The following HTR1F variants were observed in gnomAD, a reference collection of about 807,000 sequenced individuals.
HTR1F encodes 5-hydroxytryptamine (serotonin) receptor 1F, G protein-coupled.
Under a neutral mutation model 24.0 loss-of-function variants are expected in HTR1F, and 17 were observed. The observed-to-expected ratio is 0.71, with a 90% CI of 0.48 to 1.06. The LOEUF is 1.06. HTR1F is among the 50% of genes least tolerant of loss of function. HTR1F has a pLI of 0.00. For synonymous variants in HTR1F, 186 were observed against 156.8 expected (o/e 1.19, Z -1.39); for missense variants, 391 against 427.8 (o/e 0.91, Z 0.76).
intron 2 of HTR1F, among the ~76,000 whole-genome samples, chr3:87,962,021 T>A (rs1195202565): frequency 6.6e-6 from 1 of 152,120 alleles, no homozygotes; most frequent in African/African-American, 2.4e-5. Context: ...TATTCTTTCA[T>A]TTGCTAAACC....
At chr3:87,951,809 A>T (rs1191400593) in intron 2 of HTR1F, among the ~76,000 whole-genome samples, 1 of 152,062 alleles carries the variant, frequency 6.6e-6, no homozygotes, top group African/African-American at 2.4e-5. Flanking sequence ...CTGGCCTAAA[A>T]ATCCTCTATA....
intron 2 of HTR1F, among the ~76,000 whole-genome samples, chr3:87,904,341 C>T (rs534772391): frequency 7.2e-5 from 11 of 152,150 alleles, no homozygotes; most frequent in East Asian, 3.9e-4. Context: ...ACACTCAATA[C>T]GCTTTGATTA....
At chr3:87,868,814 A>T (rs899186063) in intron 2 of HTR1F, among the ~76,000 whole-genome samples, 1 of 152,028 alleles carries the variant, frequency 6.6e-6, no homozygotes, top group Non-Finnish European at 1.5e-5. Context: ...AAGTTAGCTT[A>T]ATTGCACTGG....
chr3:87,959,365 C>T (rs896556384), intron 2 of HTR1F, among the ~76,000 whole-genome samples: 2 of 151,824 alleles, frequency 1.3e-5, no homozygotes, highest in African/African-American at 4.8e-5. Context: ...CCCTTGCTTC[C>T]TACATGTATT....
chr3:87,946,625 A>T (rs868612554), intron 2 of HTR1F, among the ~76,000 whole-genome samples: 14,018 of 108,698 alleles, frequency 0.13, 844 homozygotes, highest in Non-Finnish European at 0.18. Context: ...ATATATATAT[A>T]TATTTTTTTT....
At chr3:87,795,069 C>A (rs1703882121) in intron 1 of HTR1F, among the ~76,000 whole-genome samples, 1 of 147,562 alleles carries the variant, frequency 6.8e-6, no homozygotes, top group Non-Finnish European at 1.5e-5. Flanking sequence ...CTCACTGCAA[C>A]CTCTGACTCC....
intron 2 of HTR1F, among the ~76,000 whole-genome samples, chr3:87,967,010 T>C (rs552514469): frequency 3.3e-5 from 5 of 152,294 alleles, no homozygotes; most frequent in African/African-American, 1.2e-4. Context: ...GCTTACAGAA[T>C]TATTTACATA....
intron 2 of HTR1F, among the ~76,000 whole-genome samples, chr3:87,945,855 T>C (rs1471639174): frequency 6.6e-6 from 1 of 151,348 alleles, no homozygotes; most frequent in East Asian, 1.9e-4. Flanking sequence ...CGCCAAAATG[T>C]TACCGGGGGG....
chr3:87,898,259 G>C (rs1706245893), intron 2 of HTR1F, among the ~76,000 whole-genome samples: 2 of 151,530 alleles, frequency 1.3e-5, no homozygotes, highest in African/African-American at 4.8e-5. Context: ...TGCAATCTTA[G>C]AGTTGTGGGA....
chr3:87,979,021 AG>A (rs1705467127), intron 2 of HTR1F, among the ~76,000 whole-genome samples: 1 of 2,614 alleles, frequency 3.8e-4, no homozygotes, highest in Non-Finnish European at 1.7e-3. Flanking sequence ...GGAGGGAAGG[AG>A]GGAGGGAGGG....
chr3:87,903,270 C>A (rs1706374317), intron 2 of HTR1F, among the ~76,000 whole-genome samples: 1 of 148,632 alleles, frequency 6.7e-6, no homozygotes. Flanking sequence ...CCAAAATTGA[C>A]AAATGGGATC....
intron 2 of HTR1F, among the ~76,000 whole-genome samples, chr3:87,877,123 C>G (rs1337557317): frequency 6.6e-6 from 1 of 151,972 alleles, no homozygotes; most frequent in Non-Finnish European, 1.5e-5. Context: ...GATATAGAAG[C>G]ATACAAGATT....
At chr3:87,889,302 G>A (rs1706027377) in intron 2 of HTR1F, among the ~76,000 whole-genome samples, 1 of 151,998 alleles carries the variant, frequency 6.6e-6, no homozygotes, top group African/African-American at 2.4e-5. Context: ...ACACTAAACA[G>A]ACTAAGACAG....
At chr3:87,968,635 G>A (rs1396782321) in intron 2 of HTR1F, among the ~76,000 whole-genome samples, 2 of 152,212 alleles carry the variant, frequency 1.3e-5, no homozygotes, top group Non-Finnish European at 2.9e-5. Context: ...GGGAAGCAGA[G>A]CATTAAAAGT....
At chr3:87,799,910 A>G (rs1440488857) in intron 1 of HTR1F, among the ~76,000 whole-genome samples, 1 of 152,192 alleles carries the variant, frequency 6.6e-6, no homozygotes. Context: ...TTTAAGACTC[A>G]TATAGTCCAT....
chr3:87,964,718 A>G (rs1705128111), intron 2 of HTR1F, among the ~76,000 whole-genome samples: 1 of 152,240 alleles, frequency 6.6e-6, no homozygotes, highest in Non-Finnish European at 1.5e-5. Context: ...CTGGAAAGAT[A>G]GTAAGAGATG....
At chr3:87,988,028 A>C (rs1355312070) in intron 2 of HTR1F, among the ~76,000 whole-genome samples, 2 of 151,742 alleles carry the variant, frequency 1.3e-5, no homozygotes, top group East Asian at 3.9e-4. Flanking sequence ...GATGAGAAAC[A>C]GCCTGTTGAT....
At chr3:87,937,424 C>T (rs1203730155) in intron 2 of HTR1F, among the ~76,000 whole-genome samples, 1 of 152,164 alleles carries the variant, frequency 6.6e-6, no homozygotes, top group South Asian at 2.1e-4. Flanking sequence ...CGACATTCCT[C>T]CATGTGAGAA....
At chr3:87,880,977 G>A (rs919051508) in intron 2 of HTR1F, among the ~76,000 whole-genome samples, 16 of 152,284 alleles carry the variant, frequency 1.1e-4, no homozygotes, top group African/African-American at 3.4e-4. Context: ...GGCCAAACAG[G>A]AACAGCTCCA....
Sources: gnomAD v4.1 joint callset for allele counts (sites outside exome capture counted in the v4.1 genomes callset) on GRCh38, gnomAD v4.1.1 for gene constraint, MANE v1.5 for transcripts, NCBI Gene and HGNC (gene_info 2026-07-23, HGNC 2026-07-21) for gene names.